PRUNE2: variants seen among roughly 807,000 people sequenced by gnomAD.
The protein encoded by PRUNE2 is prune homolog 2 with BCH domain.
In PRUNE2, 164 loss-of-function variants were observed where a neutral mutation model predicts 252.0. The ratio of observed to expected loss-of-function variants is 0.65; its 90% CI spans 0.57 to 0.74. The LOEUF is 0.74. Among genes scored for constraint, PRUNE2 ranks in the 30% least tolerant of loss-of-function variants. The pLI, the probability that PRUNE2 is intolerant of heterozygous loss-of-function variation, is 0.00. For synonymous variants in PRUNE2, 1,292 were observed against 1,350.2 expected (o/e 0.96, Z 0.94); for missense variants, 3,495 against 3,711.0 (o/e 0.94, Z 1.51).
chr9:76,883,413 T>C (rs547225719), intron 1 of PRUNE2, among the ~76,000 whole-genome samples: 4 of 152,318 alleles, frequency 2.6e-5, no homozygotes, highest in Admixed American at 1.3e-4. Flanking sequence ...GAAAAGCTGG[T>C]AGAAATGTCT....
chr9:76,904,744 G>A (rs1372296977), intron 1 of PRUNE2, among the ~76,000 whole-genome samples: 2 of 152,192 alleles, frequency 1.3e-5, no homozygotes, highest in African/African-American at 4.8e-5. Context: ...CAGGTAGAAA[G>A]TTTTATATAA....
chr9:76,642,211 G>C (rs954347121), intron 12 of PRUNE2, among the ~76,000 whole-genome samples: 4 of 152,096 alleles, frequency 2.6e-5, no homozygotes, highest in Admixed American at 2.6e-4. Context: ...GGATATTGCT[G>C]TTGGCTCATA....
intron 6 of PRUNE2, among the ~76,000 whole-genome samples, chr9:76,804,071 C>G (rs1198625883): frequency 1.3e-5 from 2 of 152,166 alleles, no homozygotes; most frequent in African/African-American, 4.8e-5. Flanking sequence ...CACACTGCCT[C>G]TCTCACACAT....
chr9:76,806,709 A>G (rs1296893548), intron 6 of PRUNE2, among the ~76,000 whole-genome samples: 1 of 148,066 alleles, frequency 6.8e-6, no homozygotes, highest in African/African-American at 2.5e-5. Context: ...TAGTAGAGAC[A>G]GGGTTTCACC....
At position 76,860,813 on chromosome 9, in the gene PRUNE2, T is replaced by C. The variant is rs545648609; in HGVS notation, c.37-6605A>G. Among the ~76,000 whole-genome samples the C allele has an allele frequency of 9.2e-5, 14 of 152,310 alleles. 1 individual carries two copies. In the South Asian group the frequency reaches 1.5e-3, roughly 16 times the overall value. The stretch of plus-strand genomic sequence containing the variant: ...AAATAAACCTCCTGAAACTGTAGGA[T>C]GGTGTCTCCAAAGAAAACCAGAAAG... On this transcript the variant is annotated intron_variant, in intron 1 of 18. Transcript: ENST00000376718.
At chr9:76,822,149 T>C (rs1364977035) in intron 6 of PRUNE2, among the ~76,000 whole-genome samples, 1 of 152,216 alleles carries the variant, frequency 6.6e-6, no homozygotes, top group Non-Finnish European at 1.5e-5. Context: ...ATGGTGATTA[T>C]ATAGTTACTA....
intron 1 of PRUNE2, among the ~76,000 whole-genome samples, chr9:76,867,261 T>C (rs1015388418): frequency 1.8e-4 from 27 of 151,594 alleles, no homozygotes; most frequent in African/African-American, 6.5e-4. Flanking sequence ...TTTTTTATCT[T>C]TTATCTTATG....
At chr9:76,854,866 C>A (rs969548787) in intron 1 of PRUNE2, among the ~76,000 whole-genome samples, 4 of 151,542 alleles carry the variant, frequency 2.6e-5, no homozygotes, top group African/African-American at 7.3e-5. Flanking sequence ...AGATCGAGAT[C>A]ATCTTGGCCA....
intron 6 of PRUNE2, among the ~76,000 whole-genome samples, chr9:76,807,971 A>G (rs758142718): frequency 3.3e-5 from 5 of 152,172 alleles, no homozygotes; most frequent in Non-Finnish European, 7.4e-5. Flanking sequence ...TGAGGTCAGG[A>G]GTTCGAGACC....
intron 4 of PRUNE2, among the ~76,000 whole-genome samples, chr9:76,845,472 T>C (rs2059622718): frequency 6.6e-6 from 1 of 152,214 alleles, no homozygotes; most frequent in South Asian, 2.1e-4. Context: ...TTAGTTTAGT[T>C]GAGGGCACAG....
In PRUNE2 at chr9:76,795,303, G is replaced by A. The variant is rs138331283; in HGVS notation, c.756+28329C>T. ...CACTGGGCTTCAAAGACATCACACC[G>A]TCAAAACACCATAACTATGGTCACC... On this transcript the variant is annotated intron_variant, in intron 6 of 18. Transcript: ENST00000376718. Among the ~76,000 whole-genome samples, 11 of 152,166 alleles carry A rather than the reference G, an allele frequency of 7.2e-5. No individual in the cohort carries two copies. The East Asian group carries it at 1.4e-3, about 19-fold the overall frequency.
At chr9:76,633,323 G>A (rs1307255394) in intron 15 of PRUNE2, among the ~76,000 whole-genome samples, 2 of 152,118 alleles carry the variant, frequency 1.3e-5, no homozygotes, top group Non-Finnish European at 2.9e-5. Flanking sequence ...GCTCATGCTT[G>A]TAACCCCAGC....
intron 9 of PRUNE2, among the ~76,000 whole-genome samples, chr9:76,679,555 C>G (rs1234617135): frequency 4.6e-5 from 7 of 152,078 alleles, no homozygotes; most frequent in African/African-American, 1.7e-4. Context: ...TATAGGAAGG[C>G]TGAGATAGAA....
At chr9:76,884,768 G>A (rs1203844300) in intron 1 of PRUNE2, among the ~76,000 whole-genome samples, 3 of 152,232 alleles carry the variant, frequency 2.0e-5, no homozygotes, top group East Asian at 1.9e-4. Context: ...GTTTGGAACA[G>A]TTGAACTAAC....
intron 6 of PRUNE2, among the ~76,000 whole-genome samples, chr9:76,768,583 ATGTGTGTGTGTG>A (rs55793596): frequency 0.016 from 1,648 of 103,334 alleles, 13 homozygotes; most frequent in African/African-American, 0.025. Flanking sequence ...ATGTATATGT[ATGTGTGTGTGTG>A]TGTGTGTGTG....
intron 6 of PRUNE2, among the ~76,000 whole-genome samples, chr9:76,812,708 GA>G (rs2057437290): frequency 6.6e-6 from 1 of 152,172 alleles, no homozygotes; most frequent in African/African-American, 2.4e-5. Flanking sequence ...TTATAGAAGA[GA>G]ATGTGACCGG....
At chr9:76,774,942 G>A (rs933898220) in intron 6 of PRUNE2, among the ~76,000 whole-genome samples, 1 of 152,142 alleles carries the variant, frequency 6.6e-6, no homozygotes. Context: ...CCTCATCTAT[G>A]TAATGGGAAC....
intron 4 of PRUNE2, among the ~76,000 whole-genome samples, chr9:76,831,934 C>T (rs536827582): frequency 1.3e-5 from 2 of 152,134 alleles, no homozygotes; most frequent in Admixed American, 6.5e-5. Context: ...CATAAACATG[C>T]GAACACCAAT....
intron 6 of PRUNE2, among the ~76,000 whole-genome samples, chr9:76,744,759 C>G (rs1398795050): frequency 2.0e-5 from 3 of 152,228 alleles, no homozygotes; most frequent in African/African-American, 7.2e-5. Context: ...GCCCTTAAGT[C>G]TCATCCCAGG....
Sources: allele counts gnomAD v4.1 joint callset (sites outside exome capture counted in the v4.1 genomes callset), GRCh38; gene constraint gnomAD v4.1.1; transcripts MANE v1.5; gene names NCBI Gene and HGNC (gene_info 2026-07-23, HGNC 2026-07-21).